RNF10: variants seen among roughly 807,000 people sequenced by gnomAD.
RNF10 encodes the protein E3 ubiquitin-protein ligase RNF10.
RNF10 carries 38 observed loss-of-function variants against 91.4 expected under a neutral mutation model. The observed-to-expected ratio is 0.42, with a 90% confidence interval of 0.32 to 0.54. RNF10 has a LOEUF of 0.54. RNF10 is among the 20% of genes least tolerant of loss of function. The pLI is 0.16. For synonymous variants in RNF10, 364 were observed against 366.3 expected, an observed-to-expected ratio of 0.99 and a Z score of 0.07; for missense variants, 945 against 1,012.0, an observed-to-expected ratio of 0.93 and a Z score of 0.90.
intron 2 of RNF10, among the ~76,000 whole-genome samples, chr12:120,547,570 A>AG (rs1261636324): frequency 6.6e-6 from 1 of 152,204 alleles, no homozygotes; most frequent in Non-Finnish European, 1.5e-5. Context: ...CTGGGATTAC[A>AG]GGCATGAGCC....
intron 13 of RNF10, among the ~76,000 whole-genome samples, chr12:120,567,473 C>T (rs1875932105): frequency 6.6e-6 from 1 of 151,648 alleles, no homozygotes; most frequent in Non-Finnish European, 1.5e-5. Context: ...GAGGCCAAGG[C>T]GGGTGGATCA....
chr12:120,568,696 G>A (rs552613982), intron 13 of RNF10, among the ~76,000 whole-genome samples: 14 of 151,658 alleles, frequency 9.2e-5, no homozygotes, highest in South Asian at 8.4e-4. Context: ...GGCTGGTCTC[G>A]AACTCCTGGC....
chr12:120,548,366 C>G (rs1872596276), intron 2 of RNF10, among the ~76,000 whole-genome samples: 1 of 151,664 alleles, frequency 6.6e-6, no homozygotes, highest in South Asian at 2.1e-4. Context: ...AAGAACTGAA[C>G]CTCTGAGTCT....
At chr12:120,559,861 A>C (rs1416604114) in intron 6 of RNF10, among the ~76,000 whole-genome samples, 1 of 150,538 alleles carries the variant, frequency 6.6e-6, no homozygotes, top group Non-Finnish European at 1.5e-5. Context: ...ACGCCCAGCT[A>C]ATTTTTTGTA....
chr12:120,562,271 C>CTTTCT (rs1391293156), intron 7 of RNF10, among the ~76,000 whole-genome samples: 14 of 100,120 alleles, frequency 1.4e-4, no homozygotes, highest in African/African-American at 4.9e-4. Flanking sequence ...TTCTTTCTTT[C>CTTTCT]TTTTTTTTTT....
intron 1 of RNF10, among the ~76,000 whole-genome samples, chr12:120,540,850 CTTTCT>C (rs935485035): frequency 1.1e-5 from 1 of 93,550 alleles, no homozygotes; most frequent in African/African-American, 4.1e-5. Context: ...TGCCAGTTTA[CTTTCT>C]TTTTTTTTTT....
In RNF10 at chr12:120,576,791, G is replaced by A. The variant is rs1288115893; in HGVS notation, c.*125G>A. 7.4e-7 allele frequency: 1 copy of A among 1,351,530 alleles called. No homozygotes were observed. The highest frequency in any genetic ancestry group is 1.0e-6 in the Non-Finnish European group (1 of 997,334). 83.7% of individuals were successfully genotyped at this position (1,351,530 alleles called of 1,614,324 possible). ...TGAACAGATTAGCTCTGGGGGGAGGGGGTTTCCACAATGTGAGGGGGAACC... is the reference window on the plus strand; with the variant it reads ...TGAACAGATTAGCTCTGGGGGGAGGAGGTTTCCACAATGTGAGGGGGAACC... On this transcript the variant is annotated 3_prime_UTR_variant, in exon 17 of 17. Transcript: ENST00000325954.
intron 1 of RNF10, chr12:120,539,386 G>C (rs1459207782): frequency 1.7e-5 from 22 of 1,288,122 alleles, no homozygotes; most frequent in Non-Finnish European, 2.1e-5. Flanking sequence ...ATTTCAGCTG[G>C]ATTCAATTTG....
chr12:120,569,538 C>CTTTTTT (rs58304342), intron 13 of RNF10, among the ~76,000 whole-genome samples: 1 of 115,238 alleles, frequency 8.7e-6, no homozygotes, highest in Non-Finnish European at 1.7e-5. Context: ...TGATATGCAT[C>CTTTTTT]TTTTTTTTTT....
At chr12:120,538,840 C>T (rs1389718845) in intron 1 of RNF10, among the ~76,000 whole-genome samples, 1 of 152,172 alleles carries the variant, frequency 6.6e-6, no homozygotes, top group Non-Finnish European at 1.5e-5. Flanking sequence ...TCCTGTTATT[C>T]TGGTACCAGA....
chr12:120,570,045 C>G (rs927013874), intron 13 of RNF10, among the ~76,000 whole-genome samples: 1 of 151,960 alleles, frequency 6.6e-6, no homozygotes, highest in Non-Finnish European at 1.5e-5. Flanking sequence ...GCCACCATGC[C>G]TGGCTAATTT....
intron 14 of RNF10, among the ~76,000 whole-genome samples, chr12:120,572,140 T>C (rs75111771): frequency 0.18 from 27,308 of 151,562 alleles, 2,611 homozygotes; most frequent in Middle Eastern, 0.24. Flanking sequence ...GATCTTGGCT[T>C]GCTGTAAGCT....
intron 2 of RNF10, among the ~76,000 whole-genome samples, chr12:120,551,293 T>TTG (rs1873032396): frequency 8.0e-6 from 1 of 125,746 alleles, no homozygotes; most frequent in Admixed American, 7.8e-5. Context: ...TCCTAGTGTT[T>TTG]TTTTTTTTTT....
At chr12:120,554,982 T>C (rs1229788931) in intron 4 of RNF10, among the ~76,000 whole-genome samples, 174 bp downstream of exon 4, 1 of 152,226 alleles carries the variant, frequency 6.6e-6, no homozygotes, top group Non-Finnish European at 1.5e-5. Context: ...ATTTTGTGAC[T>C]AATTGGCTCT....
chr12:120,575,749 G>GA, intron 15 of RNF10, 43 bp from the exon 16 acceptor site: 1 of 1,613,948 alleles, frequency 6.2e-7, no homozygotes, highest in Non-Finnish European at 8.5e-7. Context: ...GCTGTTTCTA[G>GA]AAAAAGAGTT....
intron 3 of RNF10, chr12:120,554,235 T>G: frequency 6.3e-6 from 1 of 158,014 alleles, no homozygotes; most frequent in Non-Finnish European, 1.4e-5. Context: ...GAGATGGGGT[T>G]TCACCCTGTT....
rs1456951831 is a variant in RNF10, at chr12:120,552,681, A to G, written c.537A>G (p.Glu179=). The change falls in exon 3 of 17, where the codon GAA becomes GAG. Residue 179 remains glutamate (E), a synonymous_variant. Transcript: ENST00000325954. The part of the protein sequence containing the change: ...NKWGHKPFNK[E]LFLQANCQFV... ...GGGGACATAAGCCTTTTAACAAGGAACTCTTTTTACAGGCCAAGTGAGTAT... is the reference window on the plus strand; with the variant it reads ...GGGGACATAAGCCTTTTAACAAGGAGCTCTTTTTACAGGCCAAGTGAGTAT... 2 of 1,613,944 alleles carry G rather than the reference A, an allele frequency of 1.2e-6. No homozygotes were observed. Among genetic ancestry groups the G allele is most frequent in the Non-Finnish European group, 1.7e-6 (2 of 1,179,982 alleles).
At position 120,552,655 on chromosome 12, in the gene RNF10, TG is replaced by T; in HGVS notation, c.515del (p.Gly172AspfsTer35). ...GHGSWGKRNK[W>X]GHKPFNKELF... ...TGGTAGCTGGGGAAAGAGGAACAAG[TG>T]GGGACATAAGCCTTTTAACAAGGAA... On this transcript the variant is annotated frameshift_variant, in exon 3 of 17. Coordinates refer to ENST00000325954, the MANE Select transcript of RNF10 (RefSeq NM_014868.5). LOFTEE classifies it high-confidence loss of function. 3 of 1,614,082 alleles carry T rather than the reference TG, an allele frequency of 1.9e-6. No individual in the cohort carries two copies. The highest frequency in any genetic ancestry group is 2.5e-6 in the Non-Finnish European group (3 of 1,179,990).
intron 1 of RNF10, among the ~76,000 whole-genome samples, chr12:120,540,022 A>G (rs1324246651): frequency 6.7e-6 from 1 of 150,340 alleles, no homozygotes; most frequent in African/African-American, 2.5e-5. Flanking sequence ...TTTAGTAGAG[A>G]TGGGTTTCGC....
Sources: allele counts gnomAD v4.1 joint callset (sites outside exome capture counted in the v4.1 genomes callset), GRCh38; gene constraint gnomAD v4.1.1; transcripts MANE v1.5; gene names NCBI Gene and HGNC (gene_info 2026-07-23, HGNC 2026-07-21).